Variants in ARHGAP10 observed in about 807,000 individuals in gnomAD.
ARHGAP10 encodes rho GTPase-activating protein 10.
Under a neutral mutation model 108.6 loss-of-function variants are expected in ARHGAP10, and 87 were observed. The observed-to-expected ratio is 0.80, with a 90% CI of 0.67 to 0.96. The LOEUF is 0.96. ARHGAP10 is among the 40% of genes least tolerant of loss of function. The probability of loss-of-function intolerance (pLI) is 0.00; values close to 1 mark genes in which losing one functional copy is unlikely to be tolerated. For synonymous variants in ARHGAP10, 347 were observed against 341.1 expected (o/e 1.02, Z -0.19); for missense variants, 939 against 954.5 (o/e 0.98, Z 0.21).
rs1739219344 is a variant in ARHGAP10 at position 147,966,782 on chromosome 4, C to T, written c.1659C>T (p.Leu553=). 6.2e-7 allele frequency: 1 copy of T among 1,602,572 alleles called. No homozygotes were observed. Among genetic ancestry groups the T allele is most frequent in the South Asian group, 1.1e-5 (1 of 89,162 alleles). The change falls in exon 18 of 23, where the codon CTC becomes CTT. Residue 553 remains leucine, a synonymous_variant. Coordinates refer to ENST00000336498, the MANE Select transcript of ARHGAP10 (RefSeq NM_024605.4). The part of the protein sequence containing the change: ...MRPQEETVAA[L]MDLKFQNIVV... ...CACAGGAAGAAACTGTCGCTGCCCT[C>T]ATGGACTTGAAGTTTCAGAATATTG...
chr4:147,999,469 A>G (rs4333167), intron 18 of ARHGAP10, among the ~76,000 whole-genome samples: 120,296 of 152,162 alleles, frequency 0.79, 47,707 homozygotes, highest in East Asian at 0.85. Context: ...TTGCAGCCCC[A>G]CCACTGACTT....
chr4:147,734,244 T>C (rs142676614), intron 1 of ARHGAP10, among the ~76,000 whole-genome samples: 29 of 152,196 alleles, frequency 1.9e-4, no homozygotes, highest in Non-Finnish European at 1.5e-4. Flanking sequence ...AGAAAGCTAT[T>C]TCTGTGACAG....
At chr4:147,887,185 C>T (rs1735603944) in intron 10 of ARHGAP10, among the ~76,000 whole-genome samples, 1 of 152,110 alleles carries the variant, frequency 6.6e-6, no homozygotes, top group Non-Finnish European at 1.5e-5. Flanking sequence ...AAAATAGAAG[C>T]TGTAACAAGA....
intron 3 of ARHGAP10, among the ~76,000 whole-genome samples, chr4:147,823,910 A>T (rs1376556763): frequency 6.6e-6 from 1 of 152,242 alleles, no homozygotes; most frequent in East Asian, 1.9e-4. Context: ...TGCTTTTCTT[A>T]AAAGCTTACA....
intron 1 of ARHGAP10, among the ~76,000 whole-genome samples, chr4:147,772,924 A>T (rs1730134993): frequency 6.6e-6 from 1 of 152,178 alleles, no homozygotes; most frequent in Admixed American, 6.5e-5. Context: ...GGCGGAACTG[A>T]TTAGAATTCC....
chr4:147,939,596 AT>A (rs1237303290), intron 13 of ARHGAP10, among the ~76,000 whole-genome samples: 1 of 152,194 alleles, frequency 6.6e-6, no homozygotes, highest in Admixed American at 6.5e-5. Context: ...GAGGCATTTC[AT>A]TTTTGTCCAC....
At chr4:147,938,669 G>C (rs1489663685) in intron 13 of ARHGAP10, among the ~76,000 whole-genome samples, 1 of 152,168 alleles carries the variant, frequency 6.6e-6, no homozygotes, top group African/African-American at 2.4e-5. Flanking sequence ...TCCGAGCAGG[G>C]AGGTGAAAAG....
At chr4:147,962,241 T>C (rs1332717983) in intron 16 of ARHGAP10, among the ~76,000 whole-genome samples, 2 of 152,210 alleles carry the variant, frequency 1.3e-5, no homozygotes, top group African/African-American at 4.8e-5. Flanking sequence ...CTCTGCCTTC[T>C]TCCTTCTGAC....
intron 1 of ARHGAP10, among the ~76,000 whole-genome samples, chr4:147,741,759 G>A (rs1291438193): frequency 1.1e-4 from 16 of 141,072 alleles, no homozygotes; most frequent in Admixed American, 1.0e-3. Context: ...TCTTGATATC[G>A]TTCTCTTTAC....
chr4:148,042,357 A>C (rs1728669310), intron 19 of ARHGAP10, among the ~76,000 whole-genome samples: 1 of 152,144 alleles, frequency 6.6e-6, no homozygotes, highest in South Asian at 2.1e-4. Context: ...TGCAGAGTAA[A>C]TTCATATGCC....
At chr4:147,987,325 A>T (rs1429903867) in intron 18 of ARHGAP10, among the ~76,000 whole-genome samples, 5 of 152,230 alleles carry the variant, frequency 3.3e-5, no homozygotes, top group Non-Finnish European at 4.4e-5. Flanking sequence ...AGAAGTTTTT[A>T]AAAAATTTTT....
intron 1 of ARHGAP10, among the ~76,000 whole-genome samples, chr4:147,751,524 T>G (rs1729150368): frequency 6.6e-6 from 1 of 151,286 alleles, no homozygotes; most frequent in Non-Finnish European, 1.5e-5. Flanking sequence ...CTACCACGCC[T>G]GGCCATTTTT....
At chr4:147,747,506 C>T (rs1022156752) in intron 1 of ARHGAP10, among the ~76,000 whole-genome samples, 3 of 152,192 alleles carry the variant, frequency 2.0e-5, no homozygotes, top group Admixed American at 2.0e-4. Context: ...CCCTTCAGGG[C>T]TGGACACCCT....
chr4:147,972,794 G>C (rs898600937), intron 18 of ARHGAP10, among the ~76,000 whole-genome samples: 17 of 151,238 alleles, frequency 1.1e-4, no homozygotes, highest in Non-Finnish European at 2.1e-4. Context: ...CATGCTTGTT[G>C]CCCAGGCTGG....
intron 10 of ARHGAP10, among the ~76,000 whole-genome samples, chr4:147,896,024 CTGA>C (rs1242303690): frequency 6.6e-6 from 1 of 152,144 alleles, no homozygotes; most frequent in African/African-American, 2.4e-5. Context: ...GTGAATTACA[CTGA>C]ATTTTGTAAG....
chr4:147,732,586 GC>G, intron 1 of ARHGAP10, 131 bp downstream of exon 1: 2 of 1,310,468 alleles, frequency 1.5e-6, no homozygotes, highest in Non-Finnish European at 2.1e-6. Flanking sequence ...TTCCGGACCA[GC>G]CCAGCTCTCT....
chr4:147,942,042 C>T (rs1358614304), intron 14 of ARHGAP10, among the ~76,000 whole-genome samples: 1 of 151,966 alleles, frequency 6.6e-6, no homozygotes, highest in African/African-American at 2.4e-5. Context: ...ATTTTTTTCT[C>T]CAACTTTTCC....
At chr4:147,895,902 T>C (rs1300562302) in intron 10 of ARHGAP10, among the ~76,000 whole-genome samples, 1 of 152,184 alleles carries the variant, frequency 6.6e-6, no homozygotes, top group Non-Finnish European at 1.5e-5. Flanking sequence ...CCCTTTTCAT[T>C]TTGAGGAAGT....
intron 18 of ARHGAP10, among the ~76,000 whole-genome samples, chr4:148,017,989 C>A (rs902240817): frequency 6.6e-6 from 1 of 152,080 alleles, no homozygotes; most frequent in Admixed American, 6.5e-5. Flanking sequence ...AGGAATCTGT[C>A]ACTCTGAACA....
Sources: gnomAD v4.1 joint callset for allele counts (sites outside exome capture counted in the v4.1 genomes callset) on GRCh38, gnomAD v4.1.1 for gene constraint, MANE v1.5 for transcripts, NCBI Gene and HGNC (gene_info 2026-07-23, HGNC 2026-07-21) for gene names.